The following MUC5B variants were observed in gnomAD, a reference collection of about 807,000 sequenced individuals.
MUC5B encodes the protein mucin-5B.
Under a neutral mutation model 376.9 loss-of-function variants are expected in MUC5B, and 116 were observed. The ratio of observed to expected loss-of-function variants is 0.31; its 90% confidence interval spans 0.26 to 0.36. The LOEUF (loss-of-function observed/expected upper bound fraction) is 0.36, where lower values mean the gene tolerates loss of function less well. Among genes scored for constraint, MUC5B ranks in the 10% least tolerant of loss-of-function variants. The pLI, the probability that MUC5B is intolerant of heterozygous loss-of-function variation, is 1.00. For synonymous variants in MUC5B, 3,517 were observed against 3,390.9 expected (o/e 1.04, Z -1.29); for missense variants, 7,165 against 7,769.9 (o/e 0.92, Z 2.93).
Position 1,235,184 on chromosome 11 carries a change from C to T in MUC5B, c.2730C>T (p.Arg910=), listed in dbSNP as rs528729314. ...ACTTCATCACCTTTGATGGCGATCGCTACAGCTTTGAAGGCAGCTGCGAGT... is the reference window on the plus strand; with the variant it reads ...ACTTCATCACCTTTGATGGCGATCGTTACAGCTTTGAAGGCAGCTGCGAGT... The part of the protein sequence containing the change: ...DGHFITFDGD[R]YSFEGSCEYI... The change falls in exon 22 of 49, where the codon CGC becomes CGT. Residue 910 remains arginine (R), a synonymous_variant. Coordinates refer to ENST00000529681, the MANE Select transcript of MUC5B (RefSeq NM_002458.3). 6 of 1,613,118 alleles carry T rather than the reference C, an allele frequency of 3.7e-6. No homozygotes were observed. In the South Asian group the frequency reaches 6.6e-5, roughly 18 times the overall value.
chr11:1,258,331 A>T lies in MUC5B; in HGVS notation c.16557A>T (p.Arg5519Ser). The T allele has an allele frequency of 6.2e-7, 1 of 1,611,858 alleles. No individual in the cohort carries two copies. The highest frequency in any genetic ancestry group is 8.5e-7 in the Non-Finnish European group (1 of 1,179,512). The part of the protein sequence containing the change: ...EGDCCPTFRC[R>S]PQLCSYNGTF... ...GGGCTTAGCTCCCTTTCCTTCCAGG[A>T]CCTCAGCTGTGTTCGTACAATGGCA... is the stretch of plus-strand genomic sequence containing the variant. Residue 5519 changes from arginine to serine, a missense_variant and splice_region_variant, in exon 43 of 49, where the codon AGA becomes AGT. Arg to Ser is a moderately radical substitution (Grantham distance 110). This residue lies in a region of MUC5B where 842 missense variants were observed against 1,016.9 expected (regional missense o/e 0.83). Coordinates refer to ENST00000529681, the MANE Select transcript of MUC5B (RefSeq NM_002458.3). This position sits in a 1 kb window ranked among gnomAD's most constrained non-coding sequence, Gnocchi z 5.5.
In MUC5B at chr11:1,226,750, A is replaced by G; in HGVS notation, c.335A>G (p.Glu112Gly). ...TCTGAGCACTGCCGCGCCGCCTACG[A>G]GGACTTCAACGTCCAGCTACGCCGA... is the stretch of plus-strand genomic sequence containing the variant. ...VFSEHCRAAYEDFNVQLRRGL... is the reference protein window; with the variant it reads ...VFSEHCRAAYGDFNVQLRRGL... The change falls in exon 4 of 49, where the codon GAG becomes GGG. Residue 112 changes from glutamate to glycine, a missense_variant. Physicochemically the swap from Glu to Gly is moderately conservative, Grantham distance 98 (BLOSUM62 -2). Around this residue, in one of 31 missense-constraint regions of MUC5B, gnomAD observed 640 missense variants for 733.0 expected, o/e 0.87. Coordinates refer to ENST00000529681, the MANE Select transcript of MUC5B (RefSeq NM_002458.3). 1 of 1,612,730 alleles carries G rather than the reference A, an allele frequency of 6.2e-7. No individual in the cohort carries two copies. The highest frequency in any genetic ancestry group is 1.1e-5 in the South Asian group (1 of 91,072).
At position 1,253,967 on chromosome 11, in the gene MUC5B, G is replaced by A; in HGVS notation, c.15218-125G>A. On this transcript the variant is annotated intron_variant, in intron 33 of 48. Transcript: ENST00000529681. The surrounding 1 kb of genome is among the most constrained non-coding windows in gnomAD (Gnocchi z 4.3). Reference sequence around the variant, plus strand: ...ACCCATTTTTATAGACGAGGCAGCTGAGGCCCCAGGGGCTTCAGTGGCTCC... The same window carrying A: ...ACCCATTTTTATAGACGAGGCAGCTAAGGCCCCAGGGGCTTCAGTGGCTCC... 7.4e-7 allele frequency: 1 copy of A among 1,351,924 alleles called. No homozygotes were observed. Among genetic ancestry groups the A allele is most frequent in the Non-Finnish European group, 1.0e-6 (1 of 1,003,640 alleles). The allele number at this position is 1,351,924 out of a possible 1,614,324, so 83.7% of individuals were successfully genotyped here.
At chr11:1,227,451 A>T in intron 6 of MUC5B, 53 bp downstream of exon 6, 1 of 1,418,942 alleles carries the variant, frequency 7.0e-7, no homozygotes, top group Non-Finnish European at 9.8e-7. Flanking sequence ...GCCAACGAAG[A>T]GCCACAGTCC....
rs1385713319 is a variant in MUC5B at position 1,255,258 on chromosome 11, G to T, written c.15882G>T (p.Met5294Ile). 3 of 1,385,044 alleles carry T rather than the reference G, an allele frequency of 2.2e-6. No individual in the cohort carries two copies. The highest frequency in any genetic ancestry group is 1.5e-5 in the African/African-American group (1 of 67,538). 85.8% of individuals were successfully genotyped at this position (1,385,044 alleles called of 1,614,324 possible). The change falls in exon 36 of 49, where the codon ATG becomes ATT. Residue 5294 changes from methionine (M) to isoleucine (I), a missense_variant. Met to Ile is a conservative substitution (Grantham distance 10). This residue lies in a region of MUC5B where 842 missense variants were observed against 1,016.9 expected (regional missense o/e 0.83). Transcript: ENST00000529681. Reference protein sequence around the residue: ...PCPPQPLCDLMLSQVFAECHN... With the variant: ...PCPPQPLCDLILSQVFAECHN... ...CACCACAGCCGCTCTGTGATCTGAT[G>T]CTGAGCCAGTGAGTCCTCCCCTCGG...
intron 7 of MUC5B, 31 bp from the exon 8 acceptor site, chr11:1,228,533 G>A (rs1186355414): frequency 8.1e-6 from 12 of 1,487,800 alleles, no homozygotes; most frequent in African/African-American, 1.4e-5. Flanking sequence ...GGATGGCAGG[G>A]GTGCCCAGCC....
chr11:1,233,188 G>A lies in MUC5B; in HGVS notation c.2241G>A (p.Val747=). The change falls in exon 18 of 49, where the codon GTG becomes GTA. Residue 747 remains valine (V), a synonymous_variant. Coordinates refer to ENST00000529681, the MANE Select transcript of MUC5B (RefSeq NM_002458.3). ...TCCTCAATGACGCGGGCGCCTGTGTGCCCGCCCAGGAGTGCCCCTGCTACG... is the reference window on the plus strand; with the variant it reads ...TCCTCAATGACGCGGGCGCCTGTGTACCCGCCCAGGAGTGCCCCTGCTACG... ...GTFLNDAGAC[V]PAQECPCYAH... is the part of the protein sequence containing the mutation. The A allele has an allele frequency of 6.2e-7, 1 of 1,603,692 alleles. No individual in the cohort carries two copies. The highest frequency in any genetic ancestry group is 8.5e-7 in the Non-Finnish European group (1 of 1,178,422).
chr11:1,227,610 G>A (rs970846839), intron 6 of MUC5B, 65 bp from the exon 7 acceptor site: 15 of 694,812 alleles, frequency 2.2e-5, no homozygotes, highest in Non-Finnish European at 4.0e-5. Flanking sequence ...CTCAGGAAGT[G>A]GGAGCCCATA....
At chr11:1,229,032 C>A in intron 8 of MUC5B, 138 bp from the exon 9 acceptor site, 1 of 1,061,156 alleles carries the variant, frequency 9.4e-7, no homozygotes, top group Non-Finnish European at 1.3e-6. Context: ...CGATGAGGGG[C>A]GTCAGGGCCA....
chr11:1,238,009 G>A (rs1026784809), intron 25 of MUC5B, among the ~76,000 whole-genome samples: 2 of 152,228 alleles, frequency 1.3e-5, no homozygotes, highest in Non-Finnish European at 2.9e-5. Context: ...ATACTCGCTC[G>A]TGGGAGGCCC....
rs1862275732 is a variant in MUC5B, at chr11:1,241,227, C to A, written c.4347C>A (p.Ser1449Arg). 2 of 1,592,036 alleles carry A rather than the reference C, an allele frequency of 1.3e-6. No individual in the cohort carries two copies. Among genetic ancestry groups the A allele is most frequent in the Non-Finnish European group, 1.7e-6 (2 of 1,169,500 alleles). ...GTSPQPSLSA[S>R]TEPAVPTPTQ... ...GCCCTCAGCCCTCCCTCAGTGCCAG[C>A]ACGGAGCCTGCTGTGCCTACCCCAA... is the stretch of plus-strand genomic sequence containing the variant. The change falls in exon 31 of 49, where the codon AGC (serine) becomes AGA (arginine). Residue 1449 changes from serine to arginine, a missense_variant. Physicochemically the swap from Ser to Arg is moderately radical, Grantham distance 110. Coordinates refer to ENST00000529681, the MANE Select transcript of MUC5B (RefSeq NM_002458.3).
Position 1,255,136 on chromosome 11 carries a change from G to C in MUC5B, c.15760G>C (p.Asp5254His). ...KDMAKTWLVPDSRKDGCWAPT... is the reference protein window; with the variant it reads ...KDMAKTWLVPHSRKDGCWAPT... The stretch of plus-strand genomic sequence containing the variant: ...CATGGCCAAGACGTGGCTGGTCCCC[G>C]ACAGCAGAAAGGATGGCTGCTGGGC... The change falls in exon 36 of 49, where the codon GAC (aspartate) becomes CAC (histidine). Residue 5254 changes from aspartate (D) to histidine (H), a missense_variant. This residue lies in a region of MUC5B where 842 missense variants were observed against 1,016.9 expected (regional missense o/e 0.83). Coordinates refer to ENST00000529681, the MANE Select transcript of MUC5B (RefSeq NM_002458.3). The C allele has an allele frequency of 6.3e-7, 1 of 1,576,080 alleles. No individual in the cohort carries two copies. Among genetic ancestry groups the C allele is most frequent in the Non-Finnish European group, 8.6e-7 (1 of 1,162,436 alleles).
chr11:1,234,561 TC>T lies in MUC5B; in HGVS notation c.2516del (p.Pro839ArgfsTer126). ...CACACTGCGTGTCCGGCTGTGTCTG[TC>T]CCCCGGGGCTGGTGTCGGATGGGAG... ...STHCVSGCVC[P>X]PGLVSDGSGG... On this transcript the variant is annotated frameshift_variant, in exon 21 of 49. Transcript: ENST00000529681. LOFTEE classifies it high-confidence loss of function. This position sits in a 1 kb window ranked among gnomAD's most constrained non-coding sequence, Gnocchi z 6.3. 1.9e-6 allele frequency: 3 copies of T among 1,582,530 alleles called. No homozygotes were observed. The highest frequency in any genetic ancestry group is 2.3e-5 in the East Asian group (1 of 43,098).
rs2133809163 is a variant in MUC5B at position 1,229,799 on chromosome 11, C to T, written c.1212C>T (p.Cys404=). ...YSPGTSFNTT[C]SSCTCSGGLW... ...CGGGCACCTCCTTCAACACCACCTG[C>T]AGCTCCTGGTACTTATGAGCCCACC... is the stretch of plus-strand genomic sequence containing the variant. Residue 404 remains cysteine (C), a synonymous_variant, in exon 10 of 49, where the codon TGC becomes TGT. Coordinates refer to ENST00000529681, the MANE Select transcript of MUC5B (RefSeq NM_002458.3). 6.3e-7 allele frequency: 1 copy of T among 1,599,036 alleles called. No homozygotes were observed. The highest frequency in any genetic ancestry group is 2.3e-5 in the East Asian group (1 of 43,948).
chr11:1,235,262 A>G (rs950313440), intron 22 of MUC5B, 39 bp downstream of exon 22: 8 of 1,610,070 alleles, frequency 5.0e-6, no homozygotes, highest in South Asian at 1.1e-5. Flanking sequence ...GGCCGGGCAC[A>G]CTCCAGCCCG....
intron 24 of MUC5B, 21 bp from the exon 25 acceptor site, chr11:1,236,904 A>T: frequency 7.1e-7 from 1 of 1,407,966 alleles, no homozygotes; most frequent in Non-Finnish European, 9.3e-7. Flanking sequence ...CCAGGGCCCC[A>T]CTCTCTCGCT....
In MUC5B at chr11:1,233,240, G is replaced by A. The variant is rs1253531029; in HGVS notation, c.2293G>A (p.Glu765Lys). The change falls in exon 18 of 49, where the codon GAG (glutamate) becomes AAG (lysine). Residue 765 changes from glutamate to lysine, a missense_variant. By Grantham distance (56) the Glu-to-Lys change is moderately conservative (BLOSUM62 1). Coordinates refer to ENST00000529681, the MANE Select transcript of MUC5B (RefSeq NM_002458.3). ...TCACGGCACCGTGCTGGCTCCTGGA[G>A]AGGTGGTGCACGACGAGGGCGCCGT... ...YAHGTVLAPG[E>K]VVHDEGAVCS... The A allele has an allele frequency of 2.5e-6, 4 of 1,587,640 alleles. No homozygotes were observed. Among genetic ancestry groups the A allele is most frequent in the Non-Finnish European group, 3.4e-6 (4 of 1,169,528 alleles).
At chr11:1,224,778 T>C (rs1861844856) in intron 1 of MUC5B, among the ~76,000 whole-genome samples, 1 of 152,020 alleles carries the variant, frequency 6.6e-6, no homozygotes, top group Admixed American at 6.5e-5. Flanking sequence ...CAGCAGGACC[T>C]GGCTGGAAAA....
At position 1,242,913 on chromosome 11, in the gene MUC5B, C is replaced by T; in HGVS notation, c.6033C>T (p.Ser2011=). The T allele has an allele frequency of 6.2e-7, 1 of 1,613,750 alleles. No individual in the cohort carries two copies. Among genetic ancestry groups the T allele is most frequent in the South Asian group, 1.1e-5 (1 of 91,068 alleles). ...PTATMSTATP[S]STPETAHTST... ...CCACCATGTCCACAGCCACACCCTC[C>T]TCCACTCCAGAGACTGCCCACACCT... The change falls in exon 31 of 49, where the codon TCC becomes TCT. Residue 2011 remains serine, a synonymous_variant. Coordinates refer to ENST00000529681, the MANE Select transcript of MUC5B (RefSeq NM_002458.3).
Sources: allele counts gnomAD v4.1 joint callset (sites outside exome capture counted in the v4.1 genomes callset), GRCh38; gene constraint gnomAD v4.1.1; regional missense constraint gnomAD v4.1.1; non-coding constraint Gnocchi (gnomAD v3.1); transcripts MANE v1.5; gene names NCBI Gene and HGNC (gene_info 2026-07-23, HGNC 2026-07-21).